The following PXDNL variants were observed in gnomAD, a reference collection of about 807,000 sequenced individuals.
PXDNL encodes the protein peroxidasin like, also known as probable oxidoreductase PXDNL.
A neutral mutation model predicts 150.8 loss-of-function variants in PXDNL; 145 were observed. The ratio of observed to expected loss-of-function variants is 0.96; its 90% CI spans 0.84 to 1.10. The LOEUF (loss-of-function observed/expected upper bound fraction) is 1.10. Ranked by LOEUF, PXDNL falls within the 50% of genes least tolerant of loss-of-function variation. The probability of loss-of-function intolerance (pLI) is 0.00; values close to 1 mark genes in which losing one functional copy is unlikely to be tolerated. For synonymous variants in PXDNL, 757 were observed against 725.7 expected, an observed-to-expected ratio of 1.04 and a Z score of -0.69; for missense variants, 2,087 against 1,873.9, an observed-to-expected ratio of 1.11 and a Z score of -2.10.
At chr8:51,418,699 G>C (rs974295489) in intron 14 of PXDNL, among the ~76,000 whole-genome samples, 1 of 152,108 alleles carries the variant, frequency 6.6e-6, no homozygotes, top group East Asian at 1.9e-4. Flanking sequence ...GTTTAGTATA[G>C]GTTATTTCAT....
At chr8:51,807,448 C>G (rs1199710402) in intron 1 of PXDNL, among the ~76,000 whole-genome samples, 2 of 152,172 alleles carry the variant, frequency 1.3e-5, no homozygotes, top group African/African-American at 4.8e-5. Flanking sequence ...CACCCCACCT[C>G]CAACATTGGG....
chr8:51,672,686 G>A (rs1815526202), intron 1 of PXDNL, among the ~76,000 whole-genome samples: 1 of 152,038 alleles, frequency 6.6e-6, no homozygotes, highest in African/African-American at 2.4e-5. Flanking sequence ...TATAAGTCTA[G>A]GGTGAGGAGA....
chr8:51,463,637 C>CTT (rs1810131990), intron 8 of PXDNL, among the ~76,000 whole-genome samples: 1 of 152,170 alleles, frequency 6.6e-6, no homozygotes, highest in African/African-American at 2.4e-5. Flanking sequence ...CTACAGAACA[C>CTT]TTTATCCAAT....
chr8:51,548,529 T>A (rs1196890107), intron 4 of PXDNL, among the ~76,000 whole-genome samples: 1 of 152,196 alleles, frequency 6.6e-6, no homozygotes, highest in African/African-American at 2.4e-5. Context: ...TGAGGTTCTA[T>A]CTTTAGCCTC....
intron 1 of PXDNL, among the ~76,000 whole-genome samples, chr8:51,793,895 A>G (rs2037537235): frequency 6.6e-6 from 1 of 151,756 alleles, no homozygotes; most frequent in Non-Finnish European, 1.5e-5. Context: ...TGTCAACAAC[A>G]ACAACAACAA....
chr8:51,572,684 T>C (rs1260756816), intron 3 of PXDNL, among the ~76,000 whole-genome samples: 1 of 142,078 alleles, frequency 7.0e-6, no homozygotes, highest in Non-Finnish European at 1.5e-5. Flanking sequence ...TACTTAATGA[T>C]ATTAACATGA....
chr8:51,371,766 CTT>C (rs1807121272), intron 19 of PXDNL, 105 bp downstream of exon 19: 1 of 1,047,230 alleles, frequency 9.5e-7, no homozygotes, highest in South Asian at 1.5e-5. Flanking sequence ...GTGTTGTTGG[CTT>C]TTTGCGTATC....
intron 14 of PXDNL, among the ~76,000 whole-genome samples, chr8:51,419,319 T>C (rs1808884954): frequency 6.6e-6 from 1 of 152,240 alleles, no homozygotes; most frequent in South Asian, 2.1e-4. Flanking sequence ...CATATATTAG[T>C]TCAATGTCTC....
intron 5 of PXDNL, among the ~76,000 whole-genome samples, chr8:51,493,291 T>A (rs1810944856): frequency 6.6e-6 from 1 of 151,304 alleles, no homozygotes; most frequent in Non-Finnish European, 1.5e-5. Context: ...TACGTCACCA[T>A]CATCAAAGAC....
intron 4 of PXDNL, among the ~76,000 whole-genome samples, chr8:51,517,033 G>T (rs1811555727): frequency 6.6e-6 from 1 of 151,964 alleles, no homozygotes; most frequent in Non-Finnish European, 1.5e-5. Flanking sequence ...TTCTTTTCAG[G>T]AAAAGTATAA....
At chr8:51,501,956 G>T (rs1811193822) in intron 4 of PXDNL, among the ~76,000 whole-genome samples, 1 of 152,186 alleles carries the variant, frequency 6.6e-6, no homozygotes, top group Non-Finnish European at 1.5e-5. Flanking sequence ...GTATCGCATG[G>T]TTGGATTCCA....
chr8:51,742,815 T>G lies in PXDNL; in HGVS notation c.164+66366A>C, dbSNP rs115629767. 6.0e-3 allele frequency among the ~76,000 whole-genome samples: 912 copies of G among 152,016 alleles called. 14 individuals carry two copies. The highest frequency in any genetic ancestry group is 0.021 in the African/African-American group (869 of 41,466). On this transcript the variant is annotated intron_variant, in intron 1 of 22. Coordinates refer to ENST00000356297, the MANE Select transcript of PXDNL (RefSeq NM_144651.5). ...TTGTCACATGAAAATAGAAAGAGAA[T>G]GTTTCCTGATAAGAAGAAATGTGAC...
chr8:51,692,509 C>T (rs971083397), intron 1 of PXDNL, among the ~76,000 whole-genome samples: 2 of 151,954 alleles, frequency 1.3e-5, no homozygotes, highest in African/African-American at 4.8e-5. Flanking sequence ...TTACAAAAAC[C>T]CCTCAAACAA....
At chr8:51,598,069 GCTA>G (rs751788131) in intron 2 of PXDNL, among the ~76,000 whole-genome samples, 7 of 152,086 alleles carry the variant, frequency 4.6e-5, no homozygotes, top group Non-Finnish European at 1.0e-4. Flanking sequence ...GTATAAAAAT[GCTA>G]CTACTACTTT....
intron 19 of PXDNL, among the ~76,000 whole-genome samples, chr8:51,360,399 T>C (rs1026950663): frequency 5.3e-5 from 8 of 152,206 alleles, no homozygotes; most frequent in African/African-American, 1.9e-4. Context: ...CATGTACATA[T>C]GCATAACTTA....
intron 1 of PXDNL, among the ~76,000 whole-genome samples, chr8:51,744,970 AAG>A (rs1466881088): frequency 4.2e-4 from 1 of 2,376 alleles, no homozygotes; most frequent in Non-Finnish European, 4.0e-3. Context: ...GAAAGAAAGA[AAG>A]AAAGAAAGAA....
At chr8:51,468,653 T>C (rs992765151) in intron 8 of PXDNL, among the ~76,000 whole-genome samples, 4 of 151,964 alleles carry the variant, frequency 2.6e-5, no homozygotes, top group Admixed American at 1.3e-4. Flanking sequence ...TTTTAATCCA[T>C]CCCTGCTTCC....
chr8:51,608,569 G>A (rs959126823), intron 2 of PXDNL, among the ~76,000 whole-genome samples: 6 of 146,920 alleles, frequency 4.1e-5, no homozygotes, highest in African/African-American at 1.6e-4. Context: ...CGGGCGCGGT[G>A]GCTCACGCCT....
At chr8:51,430,077 CT>C (rs60187209) in intron 12 of PXDNL, among the ~76,000 whole-genome samples, 28,767 of 152,008 alleles carry the variant, frequency 0.19, 3,039 homozygotes, top group East Asian at 0.32. Context: ...CCTCCTTTGT[CT>C]GATGTCCTTT....
Sources: allele counts gnomAD v4.1 joint callset (sites outside exome capture counted in the v4.1 genomes callset), GRCh38; gene constraint gnomAD v4.1.1; transcripts MANE v1.5; gene names NCBI Gene and HGNC (gene_info 2026-07-23, HGNC 2026-07-21).